Variants in PTPRD observed in about 807,000 individuals in gnomAD.
The protein encoded by PTPRD is protein tyrosine phosphatase receptor type D, also known as receptor-type tyrosine-protein phosphatase delta.
In PTPRD, 34 loss-of-function variants were observed where a neutral mutation model predicts 214.5. The ratio of observed to expected loss-of-function variants is 0.16; its 90% CI spans 0.12 to 0.21. The LOEUF (loss-of-function observed/expected upper bound fraction) is 0.21, where lower values mean the gene tolerates loss of function less well. PTPRD is among the 10% of genes least tolerant of loss of function. The pLI is 1.00. For synonymous variants in PTPRD, 1,128 were observed against 845.7 expected (o/e 1.33, Z -5.79); for missense variants, 2,545 against 2,398.7 (o/e 1.06, Z -1.27).
chr9:9,443,491 A>C (rs1382505882), intron 8 of PTPRD, among the ~76,000 whole-genome samples: 15 of 152,234 alleles, frequency 9.9e-5, no homozygotes, highest in Non-Finnish European at 2.9e-5. Context: ...AACAGAATGT[A>C]ACAGAAGTTT....
intron 5 of PTPRD, chr9:9,803,850 T>C (rs967460279): frequency 1.3e-4 from 19 of 151,980 alleles, no homozygotes; most frequent in African/African-American, 4.6e-4. Context: ...TGTAATGAAA[T>C]ATCAGAAAGA....
chr9:10,270,704 T>G (rs928016895), intron 3 of PTPRD, among the ~76,000 whole-genome samples: 4 of 152,182 alleles, frequency 2.6e-5, no homozygotes, highest in African/African-American at 9.6e-5. Context: ...GCATGTGGAG[T>G]ATATCTTGAC....
In PTPRD at chr9:9,032,881, G is replaced by A. The variant is rs79549975; in HGVS notation, c.-142-14146C>T. On this transcript the variant is annotated intron_variant, in intron 10 of 45. Transcript: ENST00000381196. ...AGCTGGTTTGTACAAATATCTTGGC[G>A]TCTTCCCTTCCAGCCGGCCTTCTTG... 2.0e-3 allele frequency among the ~76,000 whole-genome samples: 302 copies of A among 152,140 alleles called. 5 individuals carry two copies. In the East Asian group the frequency reaches 0.041, roughly 21 times the overall value.
At chr9:10,185,559 C>T (rs2099326536) in intron 3 of PTPRD, among the ~76,000 whole-genome samples, 1 of 152,162 alleles carries the variant, frequency 6.6e-6, no homozygotes, top group Non-Finnish European at 1.5e-5. Flanking sequence ...GTTTTACAAA[C>T]ACCCCAGGGA....
chr9:8,783,163 A>C (rs967111969), intron 11 of PTPRD, among the ~76,000 whole-genome samples: 1 of 152,186 alleles, frequency 6.6e-6, no homozygotes, highest in African/African-American at 2.4e-5. Flanking sequence ...GAAGAACGGA[A>C]ATTTTCATAA....
chr9:9,416,088 G>A (rs7045413), intron 8 of PTPRD, among the ~76,000 whole-genome samples: 131,761 of 152,142 alleles, frequency 0.87, 57,194 homozygotes, highest in Middle Eastern at 0.88. Flanking sequence ...GCCAAGTCCA[G>A]TTGATTCTGT....
chr9:10,473,044 G>A (rs1157650899), intron 2 of PTPRD, among the ~76,000 whole-genome samples: 1 of 151,844 alleles, frequency 6.6e-6, no homozygotes, highest in Non-Finnish European at 1.5e-5. Context: ...TTATTTTAAT[G>A]TATATGACCA....
At chr9:8,748,533 A>AG (rs1266141941) in intron 11 of PTPRD, among the ~76,000 whole-genome samples, 1 of 129,958 alleles carries the variant, frequency 7.7e-6, no homozygotes, top group Admixed American at 7.6e-5. Flanking sequence ...AAAAAAAAAA[A>AG]AAAAAAAGAA....
chr9:8,923,855 T>C lies in PTPRD; in HGVS notation c.-104+94842A>G, dbSNP rs895814992. Among the ~76,000 whole-genome samples, 41 of 152,314 alleles carry C rather than the reference T, an allele frequency of 2.7e-4. No homozygotes were observed. The East Asian group carries it at 7.1e-3, about 27-fold the overall frequency. On this transcript the variant is annotated intron_variant, in intron 11 of 45. Transcript: ENST00000381196. ...CTTTGAAACAATGCAGTGAGTCATATGTGATTTTAAGCTCTGCCTTTTTGA... is the reference window on the plus strand; with the variant it reads ...CTTTGAAACAATGCAGTGAGTCATACGTGATTTTAAGCTCTGCCTTTTTGA...
At chr9:10,522,625 C>T (rs2052725623) in intron 2 of PTPRD, among the ~76,000 whole-genome samples, 1 of 151,998 alleles carries the variant, frequency 6.6e-6, no homozygotes. Flanking sequence ...TCTGAAAGCA[C>T]CAACTGTGAC....
At chr9:10,526,647 CTTTAA>C (rs1427057267) in intron 2 of PTPRD, among the ~76,000 whole-genome samples, 11 of 152,014 alleles carry the variant, frequency 7.2e-5, no homozygotes, top group Non-Finnish European at 1.5e-4. Context: ...TACTCCTGTT[CTTTAA>C]TTTAATTATC....
At chr9:9,181,108 T>C (rs892292945) in intron 10 of PTPRD, among the ~76,000 whole-genome samples, 6 of 152,178 alleles carry the variant, frequency 3.9e-5, no homozygotes, top group African/African-American at 1.4e-4. Flanking sequence ...CTTTGCCTCC[T>C]TGGCCATCAG....
rs987617224 is a variant in PTPRD at position 8,816,949 on chromosome 9, T to A, written c.-103-83003A>T. The stretch of plus-strand genomic sequence containing the variant: ...TTTGCAAACCTGTGCTTCAGATACA[T>A]CTGTGTTATAAGTGTAACTTACACG... On this transcript the variant is annotated intron_variant, in intron 11 of 45. Coordinates refer to ENST00000381196, the MANE Select transcript of PTPRD (RefSeq NM_002839.4). Among the ~76,000 whole-genome samples, 37 of 152,252 alleles carry A rather than the reference T, an allele frequency of 2.4e-4. 1 individual carries two copies. Among genetic ancestry groups the A allele is most frequent in the African/African-American group, 8.7e-4 (36 of 41,476 alleles).
chr9:9,383,950 A>C (rs949132679), intron 9 of PTPRD, among the ~76,000 whole-genome samples: 1 of 151,968 alleles, frequency 6.6e-6, no homozygotes, highest in Non-Finnish European at 1.5e-5. Context: ...GTGATATCTA[A>C]CCCTGCTCAG....
intron 3 of PTPRD, among the ~76,000 whole-genome samples, chr9:10,304,518 G>T (rs538543022): frequency 6.6e-6 from 1 of 152,206 alleles, no homozygotes; most frequent in African/African-American, 2.4e-5. Flanking sequence ...AAACCCCATC[G>T]TCTCAGCCCT....
At chr9:8,732,381 A>C (rs1330463101) in intron 12 of PTPRD, among the ~76,000 whole-genome samples, 1 of 152,244 alleles carries the variant, frequency 6.6e-6, no homozygotes, top group Non-Finnish European at 1.5e-5. Context: ...GCCAAAAATT[A>C]ACAATGGTGA....
intron 2 of PTPRD, among the ~76,000 whole-genome samples, chr9:10,477,857 A>G (rs542438736): frequency 1.3e-5 from 2 of 152,274 alleles, no homozygotes; most frequent in African/African-American, 4.8e-5. Context: ...GGAAACCATC[A>G]TCCTCAGCAA....
At chr9:9,727,075 G>A (rs550221159) in intron 7 of PTPRD, among the ~76,000 whole-genome samples, 82 of 152,280 alleles carry the variant, frequency 5.4e-4, no homozygotes, top group Non-Finnish European at 1.0e-3. Flanking sequence ...AAATCATACA[G>A]CAAATGTGTG....
At chr9:10,052,521 G>A (rs1281916294) in intron 3 of PTPRD, among the ~76,000 whole-genome samples, 2 of 152,064 alleles carry the variant, frequency 1.3e-5, no homozygotes, top group Admixed American at 6.6e-5. Context: ...CATTTATGGA[G>A]CACCTATTAT....
Sources: gnomAD v4.1 joint callset for allele counts (sites outside exome capture counted in the v4.1 genomes callset) on GRCh38, gnomAD v4.1.1 for gene constraint, MANE v1.5 for transcripts, NCBI Gene and HGNC (gene_info 2026-07-23, HGNC 2026-07-21) for gene names.